The following CNTN1 variants were observed in gnomAD, a reference collection of about 807,000 sequenced individuals.
The protein encoded by CNTN1 is contactin-1.
In CNTN1, 38 loss-of-function variants were observed where a neutral mutation model predicts 126.4. The ratio of observed to expected loss-of-function variants is 0.30; its 90% CI spans 0.23 to 0.39. CNTN1 has a LOEUF of 0.39. CNTN1 is among the 10% of genes least tolerant of loss of function. CNTN1 has a pLI of 1.00. For synonymous variants in CNTN1, 413 were observed against 422.6 expected (o/e 0.98, Z 0.28); for missense variants, 1,009 against 1,248.4 (o/e 0.81, Z 2.89).
intron 1 of CNTN1, among the ~76,000 whole-genome samples, chr12:40,881,445 G>A (rs1371942554): frequency 1.3e-5 from 2 of 151,718 alleles, no homozygotes; most frequent in Non-Finnish European, 3.0e-5. Context: ...ACATATTAGG[G>A]CTATACTATG....
chr12:40,833,061 A>G (rs1042069206), intron 1 of CNTN1, among the ~76,000 whole-genome samples: 48 of 150,402 alleles, frequency 3.2e-4, no homozygotes, highest in Non-Finnish European at 1.2e-4. Flanking sequence ...TTAACAAGTT[A>G]TCTTTTTTTT....
chr12:40,854,099 T>C (rs1422656988), intron 1 of CNTN1, among the ~76,000 whole-genome samples: 5 of 151,176 alleles, frequency 3.3e-5, no homozygotes, highest in African/African-American at 7.3e-5. Context: ...CTAGGTACTA[T>C]GCTATCTCTC....
intron 1 of CNTN1, among the ~76,000 whole-genome samples, chr12:40,752,445 T>C (rs184395945): frequency 1.8e-4 from 27 of 152,234 alleles, no homozygotes; most frequent in African/African-American, 6.0e-4. Context: ...CATTAAAACA[T>C]TTTAAGTGGT....
chr12:40,747,651 G>C (rs1938238649), intron 1 of CNTN1, among the ~76,000 whole-genome samples: 2 of 151,992 alleles, frequency 1.3e-5, no homozygotes, highest in Admixed American at 6.6e-5. Context: ...GCTTGCAGAG[G>C]GGAGAGGAAG....
chr12:40,841,143 G>A (rs1942262990), intron 1 of CNTN1, among the ~76,000 whole-genome samples: 1 of 151,810 alleles, frequency 6.6e-6, no homozygotes, highest in Non-Finnish European at 1.5e-5. Context: ...AAATACAGAA[G>A]ATCATCAGAG....
intron 23 of CNTN1, among the ~76,000 whole-genome samples, chr12:41,057,057 A>G (rs1431635522): frequency 8.0e-6 from 1 of 124,872 alleles, no homozygotes; most frequent in Non-Finnish European, 1.6e-5. Flanking sequence ...GATATTTATA[A>G]ATATTATAAA....
In CNTN1 at chr12:40,937,669, G is replaced by A; in HGVS notation, c.1210G>A (p.Ala404Thr). ...ENTYGAIYANAELKILALAPT... is the reference protein window; with the variant it reads ...ENTYGAIYANTELKILALAPT... ...CACATATGGAGCCATTTATGCAAATGCTGAGTTGAAGATCTTGGGTCAGTA... is the reference window on the plus strand; with the variant it reads ...CACATATGGAGCCATTTATGCAAATACTGAGTTGAAGATCTTGGGTCAGTA... Residue 404 changes from alanine (A) to threonine (T), a missense_variant, in exon 11 of 24, where the codon GCT becomes ACT. By Grantham distance (58) the Ala-to-Thr change is moderately conservative. Coordinates refer to ENST00000551295, the MANE Select transcript of CNTN1 (RefSeq NM_001843.4). 6.2e-7 allele frequency: 1 copy of A among 1,603,632 alleles called. No homozygotes were observed. The highest frequency in any genetic ancestry group is 8.5e-7 in the Non-Finnish European group (1 of 1,170,672).
rs566334392 is a variant in CNTN1, at chr12:40,841,233, A to G, written c.-76-67124A>G. On this transcript the variant is annotated intron_variant, in intron 1 of 23. Coordinates refer to ENST00000551295, the MANE Select transcript of CNTN1 (RefSeq NM_001843.4). ...ACATACAACCTACCAAGGTTAAATCAGGAGGTAGAAAACCTAAACAGACCA... is the reference window on the plus strand; with the variant it reads ...ACATACAACCTACCAAGGTTAAATCGGGAGGTAGAAAACCTAAACAGACCA... 3.9e-5 allele frequency among the ~76,000 whole-genome samples: 6 copies of G among 152,226 alleles called. No individual in the cohort carries two copies. In the South Asian group the frequency reaches 1.2e-3, roughly 32 times the overall value.
rs139480422 is a variant in CNTN1 at position 40,730,073 on chromosome 12, A to G, written c.-77+37481A>G. On this transcript the variant is annotated intron_variant, in intron 1 of 23. Transcript: ENST00000551295. ...CAAGAACTTGTTTTGAGTCTAAAAA[A>G]GCTGAGAAGATTAAAGGAAACATTG... Among the ~76,000 whole-genome samples the G allele has an allele frequency of 4.5e-4, 69 of 152,344 alleles. No individual in the cohort carries two copies. The East Asian group carries it at 0.013, about 29-fold the overall frequency.
At chr12:41,015,047 A>G (rs946085162) in intron 18 of CNTN1, among the ~76,000 whole-genome samples, 4 of 152,198 alleles carry the variant, frequency 2.6e-5, no homozygotes, top group Non-Finnish European at 5.9e-5. Context: ...AAGGATTTTG[A>G]AGACTGTGGA....
At chr12:40,979,558 A>C (rs370568569) in intron 15 of CNTN1, among the ~76,000 whole-genome samples, 43 of 152,200 alleles carry the variant, frequency 2.8e-4, no homozygotes, top group East Asian at 1.3e-3. Context: ...ATATGCCTAA[A>C]TCAATTGGGG....
chr12:40,889,020 C>T (rs1944151861), intron 1 of CNTN1, among the ~76,000 whole-genome samples: 1 of 152,222 alleles, frequency 6.6e-6, no homozygotes, highest in Non-Finnish European at 1.5e-5. Flanking sequence ...AGCCAGTCAG[C>T]AGAAATCTCT....
intron 1 of CNTN1, among the ~76,000 whole-genome samples, chr12:40,780,901 T>C (rs1596531): frequency 0.92 from 138,634 of 151,142 alleles, 64,727 homozygotes; most frequent in East Asian, 1. Flanking sequence ...AAGAATTTTG[T>C]GCAAAAATGA....
intron 23 of CNTN1, among the ~76,000 whole-genome samples, chr12:41,056,216 T>C (rs918115272): frequency 5.3e-5 from 8 of 152,152 alleles, no homozygotes; most frequent in African/African-American, 1.7e-4. Context: ...GAAATATTTA[T>C]TTATAATAGC....
At chr12:40,826,245 A>G (rs564323575) in intron 1 of CNTN1, among the ~76,000 whole-genome samples, 2 of 152,290 alleles carry the variant, frequency 1.3e-5, no homozygotes, top group South Asian at 4.1e-4. Flanking sequence ...ATCTTTTTAT[A>G]TGAAATTGAT....
At chr12:40,758,509 G>C (rs992718021) in intron 1 of CNTN1, among the ~76,000 whole-genome samples, 1 of 151,940 alleles carries the variant, frequency 6.6e-6, no homozygotes, top group Admixed American at 6.6e-5. Flanking sequence ...CTTAAAAATT[G>C]TGTCTTCTGT....
chr12:40,933,575 A>G lies in CNTN1; in HGVS notation c.803+15A>G, dbSNP rs375392779. 7 of 1,560,236 alleles carry G rather than the reference A, an allele frequency of 4.5e-6. No homozygotes were observed. Among genetic ancestry groups the G allele is most frequent in the Non-Finnish European group, 5.3e-6 (6 of 1,131,640 alleles). Reference sequence around the variant, plus strand: ...GCACTTGGAAAGTAAGTATACTGACACTTTTATTAATATATATAGAAATAG... The same window carrying G: ...GCACTTGGAAAGTAAGTATACTGACGCTTTTATTAATATATATAGAAATAG... On this transcript the variant is annotated intron_variant, in intron 8 of 23. Coordinates refer to ENST00000551295, the MANE Select transcript of CNTN1 (RefSeq NM_001843.4).
At chr12:40,703,385 C>T (rs943117283) in intron 1 of CNTN1, among the ~76,000 whole-genome samples, 2 of 152,054 alleles carry the variant, frequency 1.3e-5, no homozygotes, top group Non-Finnish European at 1.5e-5. Flanking sequence ...CTGCTTTCAT[C>T]GTTATTTTTA....
At chr12:40,993,864 T>C (rs966232401) in intron 17 of CNTN1, among the ~76,000 whole-genome samples, 2 of 152,148 alleles carry the variant, frequency 1.3e-5, no homozygotes, top group Non-Finnish European at 2.9e-5. Context: ...GAACCACTGA[T>C]AGTGAGCATA....
Sources: allele counts gnomAD v4.1 joint callset (sites outside exome capture counted in the v4.1 genomes callset), GRCh38; gene constraint gnomAD v4.1.1; transcripts MANE v1.5; gene names NCBI Gene and HGNC (gene_info 2026-07-23, HGNC 2026-07-21).